GPR158: variants seen among roughly 807,000 people sequenced by gnomAD.
GPR158 encodes the protein metabotropic glycine receptor.
A neutral mutation model predicts 78.2 loss-of-function variants in GPR158; 30 were observed. The observed-to-expected ratio is 0.38, with a 90% CI of 0.29 to 0.52. The LOEUF (loss-of-function observed/expected upper bound fraction) is 0.52, where lower values mean the gene tolerates loss of function less well. Ranked by LOEUF, GPR158 falls within the 20% of genes least tolerant of loss-of-function variation. The pLI is 0.83. For synonymous variants in GPR158, 581 were observed against 591.1 expected (o/e 0.98, Z 0.25); for missense variants, 1,463 against 1,523.5 (o/e 0.96, Z 0.66).
At chr10:25,417,725 G>C (rs1397762235) in intron 4 of GPR158, among the ~76,000 whole-genome samples, 3 of 152,104 alleles carry the variant, frequency 2.0e-5, no homozygotes, top group African/African-American at 7.2e-5. Flanking sequence ...GATGGCTGAG[G>C]CATCTACCTA....
chr10:25,433,638 C>T (rs1834951809), intron 4 of GPR158, among the ~76,000 whole-genome samples: 2 of 147,770 alleles, frequency 1.4e-5, no homozygotes, highest in Admixed American at 6.8e-5. Context: ...AGGAGAGAAG[C>T]AGGGGAGAAA....
At position 25,536,854 on chromosome 10, in the gene GPR158, G is replaced by A. The variant is rs146891945; in HGVS notation, c.1405-14122G>A. On this transcript the variant is annotated intron_variant, in intron 5 of 10. Coordinates refer to ENST00000376351, the MANE Select transcript of GPR158 (RefSeq NM_020752.3). The stretch of plus-strand genomic sequence containing the variant: ...CTAGGAGCAGCAGGATTAGCATCCC[G>A]AGGGGCTTGTCAGAAATGCATCATC... 7.2e-5 allele frequency among the ~76,000 whole-genome samples: 11 copies of A among 152,272 alleles called. No homozygotes were observed. In the East Asian group the frequency reaches 9.7e-4, roughly 13 times the overall value.
chr10:25,471,964 T>A (rs1374370970), intron 5 of GPR158, among the ~76,000 whole-genome samples: 1 of 152,202 alleles, frequency 6.6e-6, no homozygotes, highest in Non-Finnish European at 1.5e-5. Flanking sequence ...CCCTTTAGTT[T>A]AATTAGATCC....
intron 6 of GPR158, among the ~76,000 whole-genome samples, chr10:25,560,979 CTTT>C (rs35432930): frequency 6.6e-6 from 1 of 151,862 alleles, no homozygotes; most frequent in Non-Finnish European, 1.5e-5. Context: ...AGAGAAAAGG[CTTT>C]TTTAGACCAC....
intron 3 of GPR158, among the ~76,000 whole-genome samples, chr10:25,410,113 G>C (rs1352843156): frequency 6.6e-6 from 1 of 151,956 alleles, no homozygotes; most frequent in African/African-American, 2.4e-5. Context: ...TCCCTGTATA[G>C]CATCTCCCTC....
At chr10:25,267,124 A>G (rs911897533) in intron 2 of GPR158, among the ~76,000 whole-genome samples, 4 of 152,170 alleles carry the variant, frequency 2.6e-5, no homozygotes, top group African/African-American at 9.7e-5. Context: ...GCATTATAGC[A>G]TGAACACAAA....
intron 5 of GPR158, among the ~76,000 whole-genome samples, chr10:25,528,840 A>T (rs1171399215): frequency 6.6e-6 from 1 of 152,196 alleles, no homozygotes; most frequent in Non-Finnish European, 1.5e-5. Flanking sequence ...AAGCTAGAGG[A>T]TTTATACTAT....
In GPR158 at chr10:25,242,433, C is replaced by G. The variant is rs146998938; in HGVS notation, c.1008+21276C>G. Among the ~76,000 whole-genome samples, 3 of 152,262 alleles carry G rather than the reference C, an allele frequency of 2.0e-5. No individual in the cohort carries two copies. The East Asian group carries it at 5.8e-4, about 29-fold the overall frequency. On this transcript the variant is annotated intron_variant, in intron 2 of 10. Coordinates refer to ENST00000376351, the MANE Select transcript of GPR158 (RefSeq NM_020752.3). ...CAATATTTTCTGAGTGATTGAATTC[C>G]TTAGAGAAAACTAGATTGAAAGTCA...
chr10:25,388,583 C>T (rs140486405), intron 2 of GPR158, among the ~76,000 whole-genome samples: 27 of 152,362 alleles, frequency 1.8e-4, no homozygotes, highest in African/African-American at 6.3e-4. Flanking sequence ...TGGGAGCTAT[C>T]GCAATGAGGC....
intron 2 of GPR158, among the ~76,000 whole-genome samples, chr10:25,295,867 T>C (rs945799184): frequency 1.3e-5 from 2 of 152,132 alleles, no homozygotes; most frequent in African/African-American, 4.8e-5. Context: ...CAAAGCTCTA[T>C]TATTTAGATT....
intron 2 of GPR158, among the ~76,000 whole-genome samples, chr10:25,379,525 G>A (rs570636654): frequency 3.3e-5 from 5 of 152,054 alleles, no homozygotes; most frequent in Admixed American, 6.5e-5. Flanking sequence ...CCTAAATTCC[G>A]AAGTAGTCTC....
chr10:25,381,748 A>G (rs934835376), intron 2 of GPR158, among the ~76,000 whole-genome samples: 3 of 152,212 alleles, frequency 2.0e-5, no homozygotes, highest in Admixed American at 1.3e-4. Context: ...ATTCAAAGAT[A>G]TTATTCATAT....
At chr10:25,334,914 A>G (rs1855176447) in intron 2 of GPR158, among the ~76,000 whole-genome samples, 1 of 152,040 alleles carries the variant, frequency 6.6e-6, no homozygotes, top group Admixed American at 6.6e-5. Context: ...CATTGCTAAT[A>G]TGCAGGTGAG....
intron 3 of GPR158, among the ~76,000 whole-genome samples, chr10:25,402,683 A>G (rs1458016330): frequency 6.6e-6 from 1 of 152,040 alleles, no homozygotes; most frequent in Non-Finnish European, 1.5e-5. Flanking sequence ...GAATCTGGGT[A>G]AAGAATATAT....
chr10:25,252,292 C>T lies in GPR158; in HGVS notation c.1008+31135C>T, dbSNP rs1367650936. On this transcript the variant is annotated intron_variant, in intron 2 of 10. Coordinates refer to ENST00000376351, the MANE Select transcript of GPR158 (RefSeq NM_020752.3). ...CTGTAGCTCAGAGTAATTTGATCGTCTGAAGCCTTCTTCTCTCAGCTCGTC... is the reference window on the plus strand; with the variant it reads ...CTGTAGCTCAGAGTAATTTGATCGTTTGAAGCCTTCTTCTCTCAGCTCGTC... Among the ~76,000 whole-genome samples, 4 of 151,796 alleles carry T rather than the reference C, an allele frequency of 2.6e-5. No individual in the cohort carries two copies. In the East Asian group the frequency reaches 7.7e-4, roughly 29 times the overall value.
At chr10:25,185,588 C>G (rs1482505931) in intron 1 of GPR158, among the ~76,000 whole-genome samples, 6 of 152,166 alleles carry the variant, frequency 3.9e-5, no homozygotes, top group Non-Finnish European at 8.8e-5. Context: ...CTTTGGGATG[C>G]CAAGGCAGAT....
chr10:25,515,843 T>C (rs1836163720), intron 5 of GPR158, among the ~76,000 whole-genome samples: 1 of 150,222 alleles, frequency 6.7e-6, no homozygotes, highest in African/African-American at 2.5e-5. Flanking sequence ...TGTGCATGTG[T>C]CTTTATAGCA....
chr10:25,431,518 C>G (rs548404326), intron 4 of GPR158, among the ~76,000 whole-genome samples: 1 of 143,576 alleles, frequency 7.0e-6, no homozygotes, highest in South Asian at 2.4e-4. Context: ...GGTATATACC[C>G]AAATGGCTAT....
intron 2 of GPR158, among the ~76,000 whole-genome samples, chr10:25,321,654 C>T (rs1485534983): frequency 2.1e-5 from 3 of 141,562 alleles, no homozygotes; most frequent in African/African-American, 3.1e-5. Context: ...AATAAACAAA[C>T]AAACAAACAA....
Sources: gnomAD v4.1 joint callset for allele counts (sites outside exome capture counted in the v4.1 genomes callset) on GRCh38, gnomAD v4.1.1 for gene constraint, MANE v1.5 for transcripts, NCBI Gene and HGNC (gene_info 2026-07-23, HGNC 2026-07-21) for gene names.